The following TRPM2 variants were observed in gnomAD, a reference collection of about 807,000 sequenced individuals.
The protein encoded by TRPM2 is transient receptor potential cation channel subfamily M member 2.
A neutral mutation model predicts 174.0 loss-of-function variants in TRPM2; 161 were observed. The observed-to-expected ratio is 0.93, with a 90% CI of 0.81 to 1.05. The LOEUF is 1.05. Among genes scored for constraint, TRPM2 ranks in the 50% least tolerant of loss-of-function variants. TRPM2 has a pLI of 0.00. For missense variants in TRPM2, 2,057 were observed against 2,038.0 expected, an observed-to-expected ratio of 1.01 and a Z score of -0.18; for synonymous variants, 954 against 861.3, an observed-to-expected ratio of 1.11 and a Z score of -1.88.
intron 12 of TRPM2, among the ~76,000 whole-genome samples, chr21:44,396,043 C>G (rs111164046): frequency 3.7e-4 from 5 of 13,486 alleles, no homozygotes; most frequent in African/African-American, 5.1e-4. Context: ...GCTGTGGAGG[C>G]TGTGGAGGGG....
chr21:44,394,580 A>G (rs1409527328), intron 11 of TRPM2, among the ~76,000 whole-genome samples: 2 of 150,798 alleles, frequency 1.3e-5, no homozygotes, highest in Admixed American at 6.6e-5. Flanking sequence ...TGGCCTCCCA[A>G]ATTGCTGGGA....
chr21:44,368,987 CCCA>C (rs1602143302), intron 4 of TRPM2, 187 bp from the exon 5 acceptor site: 1 of 544,844 alleles, frequency 1.8e-6, no homozygotes, highest in East Asian at 3.0e-5. Context: ...TGCTCCTGTT[CCCA>C]CCCCACCTGA....
rs1187736710 is a variant in TRPM2, at chr21:44,397,873, A to G, written c.2059A>G (p.Ile687Val). The part of the protein sequence containing the change: ...ALAEEYEHRA[I>V]GVFTECYRKD... ...GGCGGAGGAGTATGAGCACAGAGCC[A>G]TCGGTGAGCTCTGCCGGGCACGGGC... Residue 687 changes from isoleucine (I) to valine (V), a missense_variant, in exon 13 of 32, where the codon ATC (isoleucine) becomes GTC (valine). Transcript: ENST00000397928. The G allele has an allele frequency of 6.3e-7, 1 of 1,599,654 alleles. No homozygotes were observed. Among genetic ancestry groups the G allele is most frequent in the Admixed American group, 1.7e-5 (1 of 58,386 alleles).
intron 1 of TRPM2, 92 bp downstream of exon 1, chr21:44,353,957 G>A: frequency 1.4e-6 from 2 of 1,470,758 alleles, no homozygotes; most frequent in South Asian, 2.7e-5. Context: ...CGACGGGGGT[G>A]GGAAAGGGTC....
rs1366008338 is a variant in TRPM2, at chr21:44,376,319, G to A, written c.952+306G>A. On this transcript the variant is annotated intron_variant, in intron 6 of 31. Transcript: ENST00000397928. This position sits in a 1 kb window ranked among gnomAD's most constrained non-coding sequence, Gnocchi z 4.2. ...TCTCTTTATACTTTGTTCCAGGAGGGTCATCTTCTCTTGCCCATTTTAGCC... is the reference window on the plus strand; with the variant it reads ...TCTCTTTATACTTTGTTCCAGGAGGATCATCTTCTCTTGCCCATTTTAGCC... 6.6e-6 allele frequency among the ~76,000 whole-genome samples: 1 copy of A among 152,224 alleles called. No individual in the cohort carries two copies. The highest frequency in any genetic ancestry group is 1.5e-5 in the Non-Finnish European group (1 of 68,048).
At chr21:44,414,876 G>A (rs1407002844) in intron 20 of TRPM2, 1 of 152,228 alleles carries the variant, frequency 6.6e-6, no homozygotes, top group Non-Finnish European at 1.5e-5. Context: ...TGTGACCTCA[G>A]CCAGTTCCAA....
chr21:44,425,108 AC>A (rs2050706020), intron 24 of TRPM2, 169 bp downstream of exon 24: 1 of 630,976 alleles, frequency 1.6e-6, no homozygotes, highest in Non-Finnish European at 2.7e-6. Context: ...CAGCCCACCC[AC>A]CGACGCTGGC....
chr21:44,351,978 T>A (rs1381148178), upstream of TRPM2, among the ~76,000 whole-genome samples: 1 of 152,236 alleles, frequency 6.6e-6, no homozygotes, highest in Non-Finnish European at 1.5e-5. Context: ...TCCCGTCTGA[T>A]GCTGGGGTCT....
chr21:44,409,393 T>C (rs931840514), intron 19 of TRPM2, among the ~76,000 whole-genome samples: 1 of 152,202 alleles, frequency 6.6e-6, no homozygotes, highest in Non-Finnish European at 1.5e-5. Flanking sequence ...CAGTGGACCA[T>C]TAACATAAGG....
At chr21:44,351,909 G>A (rs1035881525), upstream of TRPM2, among the ~76,000 whole-genome samples, 20 of 152,368 alleles carry the variant, frequency 1.3e-4, no homozygotes, top group African/African-American at 4.1e-4. Context: ...CTGCCTGAAA[G>A]ATGAGCGTGT....
intron 6 of TRPM2, 129 bp from the exon 7 acceptor site, chr21:44,377,583 C>T: frequency 1.6e-6 from 2 of 1,251,600 alleles, no homozygotes; most frequent in Non-Finnish European, 2.3e-6. Flanking sequence ...GGGAGAGTGC[C>T]CTCAGTGCAG....
At chr21:44,384,897 C>G (rs539768499) in intron 9 of TRPM2, among the ~76,000 whole-genome samples, 54 of 152,356 alleles carry the variant, frequency 3.5e-4, no homozygotes, top group African/African-American at 1.3e-3. Flanking sequence ...CCTTCTCAAA[C>G]TTTCCCCAAC....
chr21:44,353,683 T>A lies in TRPM2; in HGVS notation c.-18T>A, dbSNP rs45445992. 3.3e-4 allele frequency: 485 copies of A among 1,472,764 alleles called. 5 individuals carry two copies. The African/African-American group carries it at 6.9e-3, about 21-fold the overall frequency. The allele number at this position is 1,472,764 out of a possible 1,614,324, so 91.2% of individuals were successfully genotyped here. A position where few individuals can be genotyped will look rare whatever the true frequency, so the allele number is the denominator to read the frequency against. On this transcript the variant is annotated 5_prime_UTR_variant, in exon 1 of 32. Coordinates refer to ENST00000397928, the MANE Select transcript of TRPM2 (RefSeq NM_003307.4). ...TGAGGGCAGCAGGCCTGGTTGCAGC[T>A]GGCGTGGGGGTCTCAGAATGGAGCC... is the stretch of plus-strand genomic sequence containing the variant.
intron 27 of TRPM2, 46 bp from the exon 28 acceptor site, chr21:44,435,085 C>A (rs376159516): frequency 2.5e-6 from 4 of 1,582,018 alleles, no homozygotes; most frequent in Non-Finnish European, 3.5e-6. Context: ...CTGTCCTGCT[C>A]CCCCATTGGT....
In TRPM2 at chr21:44,368,728, G is replaced by C. The variant is rs373744757; in HGVS notation, c.605-449G>C. Among the ~76,000 whole-genome samples, 6 of 152,296 alleles carry C rather than the reference G, an allele frequency of 3.9e-5. No individual in the cohort carries two copies. The South Asian group carries it at 8.3e-4, about 21-fold the overall frequency. ...ATTACAGGCGTGAGCCACCGTGCCC[G>C]GCCGGAGGTGTGTTTCTTACAGGGG... On this transcript the variant is annotated intron_variant, in intron 4 of 31. Transcript: ENST00000397928.
intron 27 of TRPM2, among the ~76,000 whole-genome samples, chr21:44,431,257 T>A (rs1012983506): frequency 6.6e-6 from 1 of 152,196 alleles, no homozygotes; most frequent in East Asian, 1.9e-4. Context: ...TTTTTTACTT[T>A]ATGAATTTCA....
chr21:44,426,546 T>G, intron 25 of TRPM2, 114 bp from the exon 26 acceptor site: 8 of 1,045,268 alleles, frequency 7.7e-6, no homozygotes, highest in Non-Finnish European at 1.0e-5. Context: ...GCCCTGCATG[T>G]TGGGATGTTG....
chr21:44,372,738 A>G (rs1156404387), intron 5 of TRPM2, among the ~76,000 whole-genome samples: 1 of 152,206 alleles, frequency 6.6e-6, no homozygotes, highest in Non-Finnish European at 1.5e-5. Context: ...GAACGAAGGC[A>G]TCACCAGCCC....
In TRPM2 at chr21:44,379,009, G is replaced by A. The variant is rs1254363541; in HGVS notation, c.1027G>A (p.Ala343Thr). ...ACCTGCCTTGCAGACCATCGACAAC[G>A]CCACCACCAACGGCACCCCCTGTGT... ...GPGTLHTIDN[A>T]TTNGTPCVVV... is the part of the protein sequence containing the mutation. Residue 343 changes from alanine to threonine, a missense_variant, in exon 8 of 32, where the codon GCC (alanine) becomes ACC (threonine). Physicochemically the swap from Ala to Thr is moderately conservative, Grantham distance 58. Transcript: ENST00000397928. The A allele has an allele frequency of 4.4e-6, 7 of 1,606,240 alleles. No homozygotes were observed. Among genetic ancestry groups the A allele is most frequent in the East Asian group, 2.2e-5 (1 of 44,880 alleles).
Sources: gnomAD v4.1 joint callset for allele counts (sites outside exome capture counted in the v4.1 genomes callset) on GRCh38, gnomAD v4.1.1 for gene constraint, Gnocchi (gnomAD v3.1) non-coding constraint, MANE v1.5 for transcripts, NCBI Gene and HGNC (gene_info 2026-07-23, HGNC 2026-07-21) for gene names.